Variants in ACYP2 observed in about 807,000 individuals in gnomAD.
ACYP2 encodes acylphosphatase-2.
A neutral mutation model predicts 11.2 loss-of-function variants in ACYP2; 12 were observed. The ratio of observed to expected loss-of-function variants is 1.08; its 90% CI spans 0.69 to 1.74. The LOEUF (loss-of-function observed/expected upper bound fraction) is 1.74. ACYP2 is among the 40% of genes most tolerant of loss of function. ACYP2 has a pLI of 0.00. For synonymous variants in ACYP2, 43 were observed against 32.2 expected, an observed-to-expected ratio of 1.33 and a Z score of -1.13; for missense variants, 134 against 101.9, an observed-to-expected ratio of 1.31 and a Z score of -1.35.
intron 6 of ACYP2, among the ~76,000 whole-genome samples, chr2:54,161,146 A>G (rs908658892): frequency 6.6e-6 from 1 of 152,182 alleles, no homozygotes; most frequent in Non-Finnish European, 1.5e-5. Flanking sequence ...AAAGCTTCAG[A>G]GCCACTAAAC....
intron 6 of ACYP2, among the ~76,000 whole-genome samples, chr2:54,302,158 C>G (rs1689750032): frequency 6.6e-6 from 1 of 152,212 alleles, no homozygotes; most frequent in African/African-American, 2.4e-5. Flanking sequence ...TGCCCAGTTC[C>G]TATGCCCAGT....
At chr2:54,197,380 C>T (rs990522867) in intron 6 of ACYP2, among the ~76,000 whole-genome samples, 2 of 152,208 alleles carry the variant, frequency 1.3e-5, no homozygotes, top group Non-Finnish European at 2.9e-5. Flanking sequence ...GTACTCCCAT[C>T]TTCCCCAGGG....
chr2:54,022,259 C>T (rs983383696), intron 2 of ACYP2, among the ~76,000 whole-genome samples: 5 of 151,966 alleles, frequency 3.3e-5, no homozygotes, highest in Non-Finnish European at 7.4e-5. Flanking sequence ...ACATCTTACC[C>T]CTGACAGGGT....
chr2:54,190,776 C>G (rs1684207222), intron 6 of ACYP2, among the ~76,000 whole-genome samples: 2 of 152,136 alleles, frequency 1.3e-5, no homozygotes, highest in African/African-American at 2.4e-5. Flanking sequence ...TCCAGAGTCA[C>G]ATGTCAAGCT....
Position 54,290,366 on chromosome 2 carries a change from T to C in ACYP2, c.405-14322T>C, listed in dbSNP as rs140258498. Among the ~76,000 whole-genome samples, 98 of 152,046 alleles carry C rather than the reference T, an allele frequency of 6.4e-4. 2 individuals carry two copies. Among genetic ancestry groups the C allele is most frequent in the African/African-American group, 2.3e-3 (94 of 41,344 alleles). Reference sequence around the variant, plus strand: ...AAGTCGGCCGTAAAGCAAAACTCCTTAAATAAATCTGTTCCCCCACCCCTA... The same window carrying C: ...AAGTCGGCCGTAAAGCAAAACTCCTCAAATAAATCTGTTCCCCCACCCCTA... On this transcript the variant is annotated intron_variant, in intron 6 of 6. Coordinates refer to ENST00000607452, the MANE Select transcript of ACYP2 (RefSeq NM_001320586.2).
At chr2:54,182,126 C>T (rs190463699) in intron 6 of ACYP2, among the ~76,000 whole-genome samples, 1 of 129,434 alleles carries the variant, frequency 7.7e-6, no homozygotes, top group Admixed American at 9.5e-5. Context: ...GTGGCACAAT[C>T]TCAGCTCACT....
At chr2:53,994,818 C>T (rs1314027482) in intron 2 of ACYP2, among the ~76,000 whole-genome samples, 2 of 152,160 alleles carry the variant, frequency 1.3e-5, no homozygotes, top group Non-Finnish European at 2.9e-5. Flanking sequence ...CAGCCTAATA[C>T]ACACACATAA....
intron 6 of ACYP2, among the ~76,000 whole-genome samples, chr2:54,150,019 G>A (rs1369905018): frequency 1.3e-5 from 2 of 152,186 alleles, no homozygotes; most frequent in African/African-American, 2.4e-5. Context: ...TATTTCAGCT[G>A]ACCCTGACAA....
intron 6 of ACYP2, among the ~76,000 whole-genome samples, chr2:54,184,173 A>C (rs1291469581): frequency 1.3e-5 from 2 of 152,216 alleles, no homozygotes; most frequent in Non-Finnish European, 2.9e-5. Flanking sequence ...CTCCAAGGCC[A>C]CGGTAATACA....
intron 4 of ACYP2, among the ~76,000 whole-genome samples, chr2:54,096,849 G>A (rs973915139): frequency 1.3e-5 from 2 of 152,080 alleles, no homozygotes; most frequent in African/African-American, 4.8e-5. Flanking sequence ...GAGACCGTGG[G>A]GAGAGGGAGA....
At chr2:53,981,077 A>G (rs116464340) in intron 2 of ACYP2, among the ~76,000 whole-genome samples, 2,496 of 152,108 alleles carry the variant, frequency 0.016, 33 homozygotes, top group Middle Eastern at 0.051. Flanking sequence ...TATCTTTTAT[A>G]CTGTATTTTT....
At position 53,973,779 on chromosome 2, in the gene ACYP2, C is replaced by T; in HGVS notation, c.31C>T (p.Leu11Phe). The T allele has an allele frequency of 2.9e-6, 1 of 348,964 alleles. No homozygotes were observed. The highest frequency in any genetic ancestry group is 4.2e-5 in the East Asian group (1 of 23,866). 21.6% of individuals were successfully genotyped at this position (348,964 alleles called of 1,614,324 possible). ...GCTCACACAAAGCCTGTTTGGTGGTCTCTTCCCACGGACGCGCGAGACAAT... is the reference window on the plus strand; with the variant it reads ...GCTCACACAAAGCCTGTTTGGTGGTTTCTTCCCACGGACGCGCGAGACAAT... Residue 11 changes from leucine to phenylalanine, a missense_variant, in exon 2 of 7, where the codon CTC becomes TTC. Leu to Phe is a conservative substitution (Grantham distance 22, BLOSUM62 0). Transcript: ENST00000607452.
intron 6 of ACYP2, among the ~76,000 whole-genome samples, chr2:54,194,972 G>T (rs1223877054): frequency 6.6e-6 from 1 of 152,154 alleles, no homozygotes; most frequent in Non-Finnish European, 1.5e-5. Context: ...ATGAAGGTAG[G>T]AATAGAGAGA....
chr2:54,053,484 A>T (rs1675969080), intron 3 of ACYP2, among the ~76,000 whole-genome samples: 2 of 152,190 alleles, frequency 1.3e-5, no homozygotes. Context: ...ATATCCTGAC[A>T]CAGACACTGT....
At chr2:54,161,220 C>A (rs759637130) in intron 6 of ACYP2, among the ~76,000 whole-genome samples, 1 of 152,204 alleles carries the variant, frequency 6.6e-6, no homozygotes, top group Non-Finnish European at 1.5e-5. Flanking sequence ...TACAGCCAAT[C>A]TGCATATCAG....
intron 6 of ACYP2, among the ~76,000 whole-genome samples, chr2:54,223,357 T>C (rs1455875792): frequency 6.6e-6 from 1 of 152,206 alleles, no homozygotes; most frequent in Non-Finnish European, 1.5e-5. Context: ...AAGTCTATCT[T>C]TAGAATTTTA....
intron 6 of ACYP2, among the ~76,000 whole-genome samples, chr2:54,201,636 C>CTCTTTCTTTTTCTT (rs1684809199): frequency 6.4e-5 from 6 of 93,662 alleles, no homozygotes; most frequent in Non-Finnish European, 1.1e-4. Flanking sequence ...TTCTTTCTTT[C>CTCTTTCTTTTTCTT]TCTTTCTTTC....
intron 4 of ACYP2, among the ~76,000 whole-genome samples, chr2:54,058,743 T>C (rs1295428495): frequency 6.6e-6 from 1 of 151,258 alleles, no homozygotes; most frequent in Non-Finnish European, 1.5e-5. Flanking sequence ...AGGAGCACTT[T>C]CTCTTACAGA....
chr2:54,029,548 T>G (rs923105363), intron 2 of ACYP2: 4 of 400,850 alleles, frequency 1.0e-5, no homozygotes, highest in African/African-American at 8.3e-5. Flanking sequence ...TCTCTCACAT[T>G]GTCTTCTCTG....
Sources: gnomAD v4.1 joint callset for allele counts (sites outside exome capture counted in the v4.1 genomes callset) on GRCh38, gnomAD v4.1.1 for gene constraint, MANE v1.5 for transcripts, NCBI Gene and HGNC (gene_info 2026-07-23, HGNC 2026-07-21) for gene names.